The following STT3A variants were observed in gnomAD, a reference collection of about 807,000 sequenced individuals.
STT3A encodes the protein STT3 oligosaccharyltransferase complex catalytic subunit A.
In STT3A, 34 loss-of-function variants were observed where a neutral mutation model predicts 89.2. That is an observed-to-expected ratio of 0.38 (90% CI 0.29 to 0.51). STT3A has a LOEUF of 0.51. STT3A is among the 20% of genes least tolerant of loss of function. STT3A has a pLI of 0.89. For missense variants in STT3A, 555 were observed against 889.5 expected (o/e 0.62, Z 4.78); for synonymous variants, 282 against 310.3 (o/e 0.91, Z 0.96).
chr11:125,597,881 A>G (rs1939541618), intron 3 of STT3A, among the ~76,000 whole-genome samples: 1 of 152,142 alleles, frequency 6.6e-6, no homozygotes, highest in African/African-American at 2.4e-5. Context: ...CCTTTCAGCA[A>G]CCCTTTGAGA....
At chr11:125,601,713 C>G (rs530187658) in intron 3 of STT3A, among the ~76,000 whole-genome samples, 1 of 152,182 alleles carries the variant, frequency 6.6e-6, no homozygotes, top group South Asian at 2.1e-4. Flanking sequence ...TCTGACTGGT[C>G]CTAATGCCTA....
At chr11:125,616,038 C>CA (rs199872821) in intron 15 of STT3A, among the ~76,000 whole-genome samples, 7,129 of 149,300 alleles carry the variant, frequency 0.048, 212 homozygotes, top group Middle Eastern at 0.086. Context: ...GACTCCATCT[C>CA]AAAAAAAAAG....
At chr11:125,601,384 G>T (rs1398325337) in intron 3 of STT3A, among the ~76,000 whole-genome samples, 1 of 152,184 alleles carries the variant, frequency 6.6e-6, no homozygotes, top group Admixed American at 6.5e-5. Flanking sequence ...ACTTTGTGAG[G>T]CTGGGGCAGG....
chr11:125,597,744 C>A (rs1193575695), intron 3 of STT3A, among the ~76,000 whole-genome samples: 3 of 152,132 alleles, frequency 2.0e-5, no homozygotes, highest in African/African-American at 7.2e-5. Context: ...TCAAAGTTAT[C>A]AGTTTGATAA....
rs58579660 is a variant in STT3A, at chr11:125,602,453, T to TA, written c.271+39dup. On this transcript the variant is annotated intron_variant, in intron 4 of 17. Coordinates refer to ENST00000392708, the MANE Select transcript of STT3A (RefSeq NM_152713.5). ...AGGAGACCAGATGTGTTTTTTTTTT[T>TA]AAAAAAAAAACAGAAATATTTGTAT... 9.5e-3 allele frequency: 11,860 copies of TA among 1,254,438 alleles called. No homozygotes were observed. The highest frequency in any genetic ancestry group is 0.017 in the South Asian group (1,018 of 61,424). The allele number at this position is 1,254,438 out of a possible 1,614,324, so 77.7% of individuals were successfully genotyped here.
At position 125,614,320 on chromosome 11, in the gene STT3A, C is replaced by T. The variant is rs759807659; in HGVS notation, c.1672-4C>T. 21 of 1,613,866 alleles carry T rather than the reference C, an allele frequency of 1.3e-5. No individual in the cohort carries two copies. Among genetic ancestry groups the T allele is most frequent in the Non-Finnish European group, 1.6e-5 (19 of 1,180,002 alleles). ...CTCTGAGAATTGTACATTTGTTTTT[C>T]CAGGCAATGGCGTCCACAGAGGAAA... On this transcript the variant is annotated splice_region_variant and splice_polypyrimidine_tract_variant and intron_variant, in intron 14 of 17. Coordinates refer to ENST00000392708, the MANE Select transcript of STT3A (RefSeq NM_152713.5). This position sits in a 1 kb window ranked among gnomAD's most constrained non-coding sequence, Gnocchi z 4.9.
chr11:125,611,353 A>G (rs1182593141), intron 10 of STT3A, 75 bp from the exon 11 acceptor site: 2 of 1,116,694 alleles, frequency 1.8e-6, no homozygotes, highest in Admixed American at 1.8e-5. Context: ...ATCCAGTCAT[A>G]TAATGAAGAT....
rs1940128851 is a variant in STT3A at position 125,614,817 on chromosome 11, GA to G, written c.1774+392del. ...TATGGCCTGACAGCGTGTAAAAAAA[GA>G]GAACATTTTATATATATATAAAATA... On this transcript the variant is annotated intron_variant, in intron 15 of 17. Transcript: ENST00000392708. This position sits in a 1 kb window ranked among gnomAD's most constrained non-coding sequence, Gnocchi z 4.9. Among the ~76,000 whole-genome samples the G allele has an allele frequency of 6.6e-6, 1 of 151,298 alleles. No individual in the cohort carries two copies. The highest frequency in any genetic ancestry group is 1.9e-4 in the East Asian group (1 of 5,184).
chr11:125,611,553 C>T (rs1194192667), intron 11 of STT3A, 34 bp downstream of exon 11: 1 of 1,589,886 alleles, frequency 6.3e-7, no homozygotes, highest in Non-Finnish European at 8.6e-7. Context: ...GACTTTTTCA[C>T]TCTAACTCTG....
At position 125,622,190 on chromosome 11, in the gene STT3A, A is replaced by G. The variant is rs2135954659; in HGVS notation, c.*1380A>G. On this transcript the variant is annotated 3_prime_UTR_variant, in exon 18 of 18. Transcript: ENST00000392708. ...CATTTAAGGGAACAGGAGGAATTGC[A>G]TAACTTTTAGATTAGTCATAGTGGT... The G allele has an allele frequency of 6.6e-6, 1 of 152,356 alleles. No individual in the cohort carries two copies. The highest frequency in any genetic ancestry group is 1.9e-4 in the East Asian group (1 of 5,190). 9.4% of individuals were successfully genotyped at this position (152,356 alleles called of 1,614,324 possible).
rs1278234464 is a variant in STT3A at position 125,621,350 on chromosome 11, A to C, written c.*540A>C. 6.6e-6 allele frequency: 1 copy of C among 152,304 alleles called. No homozygotes were observed. Among genetic ancestry groups the C allele is most frequent in the Non-Finnish European group, 1.5e-5 (1 of 68,106 alleles). The allele number at this position is 152,304 out of a possible 1,614,324, so 9.4% of individuals were successfully genotyped here. ...ATAAATGTGGGACCAGAAGAGTGCT[A>C]GAAGAGTGCCTTTCTGGGCTACTAT... On this transcript the variant is annotated 3_prime_UTR_variant, in exon 18 of 18. Transcript: ENST00000392708.
At chr11:125,594,494 C>T (rs1410928923) in intron 1 of STT3A, among the ~76,000 whole-genome samples, 1 of 149,702 alleles carries the variant, frequency 6.7e-6, no homozygotes, top group African/African-American at 2.5e-5. Context: ...GCAGAAGAAT[C>T]GCTTGAACCC....
intron 12 of STT3A, 37 bp from the exon 13 acceptor site, chr11:125,612,952 T>G (rs746022925): frequency 1.9e-6 from 3 of 1,606,852 alleles, no homozygotes; most frequent in Admixed American, 3.4e-5. Context: ...GAATTTAGTT[T>G]GGTTAACTAC....
intron 10 of STT3A, 32 bp from the exon 11 acceptor site, chr11:125,611,390 AGGACTC>A: frequency 6.5e-7 from 1 of 1,549,494 alleles, no homozygotes; most frequent in Non-Finnish European, 8.9e-7. Flanking sequence ...TTCAACCTAC[AGGACTC>A]AGCTGCTTAT....
At position 125,606,306 on chromosome 11, in the gene STT3A, G is replaced by A. The variant is rs778272288; in HGVS notation, c.621G>A (p.Ser207=). 36 of 1,613,354 alleles carry A rather than the reference G, an allele frequency of 2.2e-5. No homozygotes were observed. Among genetic ancestry groups the A allele is most frequent in the Non-Finnish European group, 2.6e-5 (31 of 1,179,838 alleles). The change falls in exon 8 of 18, where the codon TCG becomes TCA. Residue 207 remains serine (S), a synonymous_variant. Transcript: ENST00000392708. The part of the protein sequence containing the change: ...KCALAYFYMV[S]SWGGYVFLIN... ...TTTTTTCTATTCCATCATAGGTCTCGTCATGGGGAGGTTATGTGTTCCTGA... is the reference window on the plus strand; with the variant it reads ...TTTTTTCTATTCCATCATAGGTCTCATCATGGGGAGGTTATGTGTTCCTGA...
chr11:125,594,719 G>A (rs753999740), intron 1 of STT3A: 3 of 151,812 alleles, frequency 2.0e-5, no homozygotes, highest in Non-Finnish European at 2.9e-5. Context: ...TACAGATAGT[G>A]TCCCTCAACA....
At chr11:125,603,026 C>T in intron 5 of STT3A, 78 bp downstream of exon 5, 1 of 1,549,324 alleles carries the variant, frequency 6.5e-7, no homozygotes, top group Non-Finnish European at 8.8e-7. Flanking sequence ...GGGTGGGGGA[C>T]AGAGCCTTAG....
intron 9 of STT3A, among the ~76,000 whole-genome samples, chr11:125,609,011 G>A (rs1219004282): frequency 6.6e-6 from 1 of 152,246 alleles, no homozygotes; most frequent in East Asian, 1.9e-4. Flanking sequence ...TAGTTGGTTG[G>A]AAAGCCAAAT....
In STT3A at chr11:125,622,793, C is replaced by G. The variant is rs1215697199; in HGVS notation, c.*1983C>G. The G allele has an allele frequency of 1.3e-5, 2 of 152,102 alleles. No homozygotes were observed. Among genetic ancestry groups the G allele is most frequent in the Non-Finnish European group, 2.9e-5 (2 of 68,044 alleles). 9.4% of individuals were successfully genotyped at this position (152,102 alleles called of 1,614,324 possible). A position where few individuals can be genotyped will look rare whatever the true frequency, so the allele number is the denominator to read the frequency against. ...TCTGCTCCTCTTTAAGAGTGGGACC[C>G]TAGGCAGGGCGCAGTGGATCATGCC... On this transcript the variant is annotated 3_prime_UTR_variant, in exon 18 of 18. Transcript: ENST00000392708.
Sources: gnomAD v4.1 joint callset for allele counts (sites outside exome capture counted in the v4.1 genomes callset) on GRCh38, gnomAD v4.1.1 for gene constraint, Gnocchi (gnomAD v3.1) non-coding constraint, MANE v1.5 for transcripts, NCBI Gene and HGNC (gene_info 2026-07-23, HGNC 2026-07-21) for gene names.